PPP2R3B: variants seen among roughly 807,000 people sequenced by gnomAD.
PPP2R3B encodes protein phosphatase 2 regulatory subunit B''beta.
PPP2R3B carries 68 observed loss-of-function variants against 72.9 expected under a neutral mutation model. The ratio of observed to expected loss-of-function variants is 0.93; its 90% CI spans 0.77 to 1.14. The LOEUF is 1.14. Ranked by LOEUF, PPP2R3B falls within the 50% of genes most tolerant of loss-of-function variation. PPP2R3B has a pLI of 0.00. For synonymous variants in PPP2R3B, 466 were observed against 375.8 expected (o/e 1.24, Z -2.78); for missense variants, 1,018 against 842.0 (o/e 1.21, Z -2.59).
At chrX:354,498 G>A (rs1355704729) in intron 2 of PPP2R3B, among the ~76,000 whole-genome samples, 9 of 152,318 alleles carry the variant, frequency 5.9e-5, no homozygotes, top group Admixed American at 3.3e-4. Flanking sequence ...CTCAATACAC[G>A]CAGAAATACA....
At chrX:383,524 G>A (rs1049120104) in intron 1 of PPP2R3B, among the ~76,000 whole-genome samples, 6 of 152,034 alleles carry the variant, frequency 3.9e-5, no homozygotes, top group Non-Finnish European at 5.9e-5. Flanking sequence ...AGTATAAAAC[G>A]ACAGAAAGCA....
chrX:341,892 G>A lies in PPP2R3B; in HGVS notation c.1076C>T (p.Ala359Val). ...CCTGAGCCGTACGTACCGTGTGACT[G>A]CTCCTGAGAAGATCCTGTCTATCAT... ...TKMIDRIFSG[A>V]VTRGRKVQKE... Residue 359 changes from alanine to valine, a missense_variant, in exon 8 of 13, where the codon GCA becomes GTA. Physicochemically the swap from Ala to Val is moderately conservative, Grantham distance 64. Transcript: ENST00000390665. 6.2e-7 allele frequency: 1 copy of A among 1,612,694 alleles called. No homozygotes were observed. Among genetic ancestry groups the A allele is most frequent in the Non-Finnish European group, 8.5e-7 (1 of 1,179,754 alleles).
Position 345,591 on chromosome X carries a change from A to G in PPP2R3B, c.961T>C (p.Cys321Arg), listed in dbSNP as rs1485228951. Reference sequence around the variant, plus strand: ...TCCGTGTCCAGCTCCCAGAACTTGCAGTAGATGACGTAGAAATGCTCGTAC... The same window carrying G: ...TCCGTGTCCAGCTCCCAGAACTTGCGGTAGATGACGTAGAAATGCTCGTAC... Reference protein sequence around the residue: ...FSYEHFYVIYCKFWELDTDHD... With the variant: ...FSYEHFYVIYRKFWELDTDHD... Residue 321 changes from cysteine to arginine, a missense_variant, in exon 7 of 13, where the codon TGC (cysteine) becomes CGC (arginine). Coordinates refer to ENST00000390665, the MANE Select transcript of PPP2R3B (RefSeq NM_013239.5). The G allele has an allele frequency of 5.0e-6, 8 of 1,613,160 alleles. No individual in the cohort carries two copies. Among genetic ancestry groups the G allele is most frequent in the East Asian group, 2.2e-5 (1 of 44,828 alleles).
chrX:341,006 GA>G lies in PPP2R3B; in HGVS notation c.1176-67del, dbSNP rs1569379341. On this transcript the variant is annotated intron_variant, in intron 9 of 12. Coordinates refer to ENST00000390665, the MANE Select transcript of PPP2R3B (RefSeq NM_013239.5). Reference sequence around the variant, plus strand: ...TCCCAGCCCGTGACCTGCAGCCCCTGAGGCAGCCCCCACCGGGGGTGCACGC... The same window carrying G: ...TCCCAGCCCGTGACCTGCAGCCCCTGGGCAGCCCCCACCGGGGGTGCACGC... 5,485 of 1,581,412 alleles carry G rather than the reference GA, an allele frequency of 3.5e-3. 186 individuals carry two copies. In the African/African-American group the frequency reaches 0.063, roughly 18 times the overall value.
intron 1 of PPP2R3B, among the ~76,000 whole-genome samples, chrX:364,525 A>C (rs1473493397): frequency 2.0e-5 from 3 of 150,914 alleles, no homozygotes; most frequent in Non-Finnish European, 2.9e-5. Context: ...AAAAAACAAA[A>C]AAAAAAAAAC....
rs1290886233 is a variant in PPP2R3B at position 334,530 on chromosome X, G to A, written c.1578-13C>T. 2.6e-6 allele frequency: 4 copies of A among 1,527,972 alleles called. No homozygotes were observed. The East Asian group carries it at 7.1e-5, about 27-fold the overall frequency. The allele number at this position is 1,527,972 out of a possible 1,614,324, so 94.7% of individuals were successfully genotyped here. A position where few individuals can be genotyped will look rare whatever the true frequency, so the allele number is the denominator to read the frequency against. ...CTCGGCCTCGAACCTGCAACGAGGGGATGGCGAAGACGTGGCCAGCAGCGC... is the reference window on the plus strand; with the variant it reads ...CTCGGCCTCGAACCTGCAACGAGGGAATGGCGAAGACGTGGCCAGCAGCGC... On this transcript the variant is annotated splice_polypyrimidine_tract_variant and intron_variant, in intron 12 of 12. Transcript: ENST00000390665.
intron 5 of PPP2R3B, 148 bp from the exon 6 acceptor site, chrX:346,408 T>A (rs2071214469): frequency 1.3e-6 from 1 of 768,046 alleles, no homozygotes; most frequent in Non-Finnish European, 2.0e-6. Context: ...GGAAGGGCCC[T>A]GCGGGAGGCG....
chrX:375,008 C>T (rs1473412035), intron 1 of PPP2R3B, among the ~76,000 whole-genome samples: 1 of 152,148 alleles, frequency 6.6e-6, no homozygotes, highest in Admixed American at 6.5e-5. Flanking sequence ...CTCAGACTGG[C>T]CTTTTCTTCT....
intron 2 of PPP2R3B, among the ~76,000 whole-genome samples, chrX:351,034 AG>A (rs1439622852): frequency 2.6e-5 from 4 of 151,634 alleles, no homozygotes; most frequent in Non-Finnish European, 4.4e-5. Flanking sequence ...GGGACTGCAG[AG>A]GGGGCTGCGC....
At chrX:383,030 A>G (rs369915263) in intron 1 of PPP2R3B, among the ~76,000 whole-genome samples, 2 of 152,120 alleles carry the variant, frequency 1.3e-5, no homozygotes, top group South Asian at 4.1e-4. Context: ...GCTCACTGGG[A>G]AAGTGCACTG....
At chrX:355,083 C>T (rs1236258493) in intron 2 of PPP2R3B, among the ~76,000 whole-genome samples, 3 of 152,080 alleles carry the variant, frequency 2.0e-5, no homozygotes, top group Non-Finnish European at 1.5e-5. Context: ...ACTGTGCTCA[C>T]CTGAAGATGA....
rs1372408169 is a variant in PPP2R3B, at chrX:386,739, GC to G, written c.-49del. The G allele has an allele frequency of 8.6e-7, 1 of 1,164,894 alleles. No homozygotes were observed. Among genetic ancestry groups the G allele is most frequent in the East Asian group, 3.7e-5 (1 of 27,134 alleles). The allele number at this position is 1,164,894 out of a possible 1,614,324, so 72.2% of individuals were successfully genotyped here. A position where few individuals can be genotyped will look rare whatever the true frequency, so the allele number is the denominator to read the frequency against. ...CCCCCGGACGCCCGCGCCCCGCCCCGCCCCGGGGGCTTCGGTCCGCCCCGGA... is the reference window on the plus strand; with the variant it reads ...CCCCCGGACGCCCGCGCCCCGCCCCGCCCGGGGGCTTCGGTCCGCCCCGGA... On this transcript the variant is annotated 5_prime_UTR_variant, in exon 1 of 13. Transcript: ENST00000390665.
intron 1 of PPP2R3B, among the ~76,000 whole-genome samples, chrX:380,338 G>GT (rs1402876686): frequency 6.6e-6 from 1 of 152,186 alleles, no homozygotes; most frequent in Non-Finnish European, 1.5e-5. Flanking sequence ...ACAGTTGTAT[G>GT]TAAAGAGCTC....
At position 334,128 on chromosome X, in the gene PPP2R3B, G is replaced by C. The variant is rs2070818557; in HGVS notation, c.*239C>G. On this transcript the variant is annotated 3_prime_UTR_variant, in exon 13 of 13. Coordinates refer to ENST00000390665, the MANE Select transcript of PPP2R3B (RefSeq NM_013239.5). ...TGGGTCGGGAACGGCAAGCGCCAGA[G>C]GGTGTCCGTGTGGGAACCCGTCCCA... 8 of 409,082 alleles carry C rather than the reference G, an allele frequency of 2.0e-5. No homozygotes were observed. The South Asian group carries it at 4.8e-4, about 25-fold the overall frequency. 25.3% of individuals were successfully genotyped at this position (409,082 alleles called of 1,614,324 possible). A position where few individuals can be genotyped will look rare whatever the true frequency, so the allele number is the denominator to read the frequency against.
Position 334,313 on chromosome X carries a change from G to GC in PPP2R3B, c.*53dup. On this transcript the variant is annotated 3_prime_UTR_variant, in exon 13 of 13. Transcript: ENST00000390665. ...AACAGTTTTTACACGAGCCGCGGTGGCCCGGTGGTGGCACGTGGGGAGCGG... is the reference window on the plus strand; with the variant it reads ...AACAGTTTTTACACGAGCCGCGGTGGCCCCGGTGGTGGCACGTGGGGAGCGG... 1 of 1,427,484 alleles carries GC rather than the reference G, an allele frequency of 7.0e-7. No homozygotes were observed. Among genetic ancestry groups the GC allele is most frequent in the Non-Finnish European group, 9.1e-7 (1 of 1,094,616 alleles). The allele number at this position is 1,427,484 out of a possible 1,614,324, so 88.4% of individuals were successfully genotyped here. A position where few individuals can be genotyped will look rare whatever the true frequency, so the allele number is the denominator to read the frequency against.
At chrX:334,748 G>C (rs2070842997) in intron 12 of PPP2R3B, 1 of 481,650 alleles carries the variant, frequency 2.1e-6, no homozygotes, top group Non-Finnish European at 3.5e-6. Context: ...CCCAGGACGG[G>C]ACGGAGCCCC....
At chrX:361,745 A>G (rs971758979) in intron 1 of PPP2R3B, 155 bp from the exon 2 acceptor site, 3 of 312,050 alleles carry the variant, frequency 9.6e-6, no homozygotes, top group African/African-American at 4.5e-5. Context: ...GGGGGACCAC[A>G]CACGTACTCC....
rs1473762870 is a variant in PPP2R3B, at chrX:338,896, C to G, written c.1352G>C (p.Gly451Ala). The change falls in exon 11 of 13, where the codon GGG (glycine) becomes GCG (alanine). Residue 451 changes from glycine (G) to alanine (A), a missense_variant and splice_region_variant. Physicochemically the swap from Gly to Ala is moderately conservative, Grantham distance 60. Coordinates refer to ENST00000390665, the MANE Select transcript of PPP2R3B (RefSeq NM_013239.5). ...CTTCAGGTCCTGCAGCGTGATCTTC[C>G]CTGCGGGGAGGGGAGTGCGTCCAAG... ...MLDLVKPRTE[G>A]KITLQDLKRC... The G allele has an allele frequency of 6.2e-7, 1 of 1,611,902 alleles. No individual in the cohort carries two copies. The highest frequency in any genetic ancestry group is 8.5e-7 in the Non-Finnish European group (1 of 1,179,408).
intron 1 of PPP2R3B, 99 bp downstream of exon 1, chrX:386,269 G>T: frequency 9.8e-7 from 1 of 1,024,650 alleles, no homozygotes. Flanking sequence ...ACCGTTTTGG[G>T]GTCTGACGCT....
Sources: gnomAD v4.1 joint callset for allele counts (sites outside exome capture counted in the v4.1 genomes callset) on GRCh38, gnomAD v4.1.1 for gene constraint, MANE v1.5 for transcripts, NCBI Gene and HGNC (gene_info 2026-07-23, HGNC 2026-07-21) for gene names.